Variants in TRARG1 observed in about 807,000 individuals in gnomAD.
TRARG1 encodes trafficking regulator of GLUT4 1.
TRARG1 carries 16 observed loss-of-function variants against 13.3 expected under a neutral mutation model. The observed-to-expected ratio is 1.20, with a 90% CI of 0.81 to 1.83. The LOEUF (loss-of-function observed/expected upper bound fraction) is 1.83. TRARG1 is among the 40% of genes most tolerant of loss of function. The pLI, the probability that TRARG1 is intolerant of heterozygous loss-of-function variation, is 0.00. For synonymous variants in TRARG1, 113 were observed against 106.2 expected (o/e 1.06, Z -0.39); for missense variants, 250 against 237.4 (o/e 1.05, Z -0.35).
intron 1 of TRARG1, among the ~76,000 whole-genome samples, chr17:1,282,253 T>A (rs200514044): frequency 9.5e-6 from 1 of 105,462 alleles, no homozygotes; most frequent in East Asian, 3.1e-4. Flanking sequence ...CACGTATATG[T>A]ACGTATATGT....
intron 1 of TRARG1, among the ~76,000 whole-genome samples, chr17:1,295,208 C>T (rs1829225660): frequency 6.6e-6 from 1 of 152,190 alleles, no homozygotes; most frequent in African/African-American, 2.4e-5. Context: ...CTGCCACCGC[C>T]ACCTCCTCCA....
At chr17:1,294,722 G>C (rs1195844398) in intron 1 of TRARG1, among the ~76,000 whole-genome samples, 2 of 134,718 alleles carry the variant, frequency 1.5e-5, no homozygotes, top group Non-Finnish European at 3.1e-5. Context: ...GAGTCTTGCT[G>C]TCTCCCAGGC....
intron 1 of TRARG1, among the ~76,000 whole-genome samples, chr17:1,286,437 G>A (rs111771402): frequency 1.1e-3 from 114 of 100,754 alleles, no homozygotes; most frequent in African/African-American, 4.4e-3. Flanking sequence ...GGGTGTTGTT[G>A]TCGGCCTGTG....
Position 1,294,468 on chromosome 17 carries a change from C to CT in TRARG1, c.388-1004dup, listed in dbSNP as rs542504095. Among the ~76,000 whole-genome samples the CT allele has an allele frequency of 2.6e-3, 297 of 113,432 alleles. 6 individuals carry two copies. Among genetic ancestry groups the CT allele is most frequent in the African/African-American group, 7.8e-3 (216 of 27,802 alleles). The allele number at this position is 113,432 out of a possible 152,430, so 74.4% of individuals were successfully genotyped here. A position where few individuals can be genotyped will look rare whatever the true frequency, so the allele number is the denominator to read the frequency against. On this transcript the variant is annotated intron_variant, in intron 1 of 2. Transcript: ENST00000333813. The stretch of plus-strand genomic sequence containing the variant: ...GAAATGGAGGCTGTGAAGACAGTGT[C>CT]TTTTTTTTTTTTTTTTTTTGAGGCA...
chr17:1,286,276 C>T (rs2072019266), intron 1 of TRARG1, among the ~76,000 whole-genome samples: 1 of 152,218 alleles, frequency 6.6e-6, no homozygotes, highest in Admixed American at 6.5e-5. Context: ...GGGAGGTGAC[C>T]AGGCACAGAC....
chr17:1,297,592 CTT>C (rs35978298), intron 2 of TRARG1, among the ~76,000 whole-genome samples: 21,318 of 97,136 alleles, frequency 0.22, 2,564 homozygotes, highest in South Asian at 0.35. Context: ...TTAGCCAGGA[CTT>C]TTTTTTTTTT....
At chr17:1,288,424 TCATCCCCCACTGGGTTCCC>T (rs1465200076) in intron 1 of TRARG1, among the ~76,000 whole-genome samples, 1 of 45,008 alleles carries the variant, frequency 2.2e-5, no homozygotes, top group African/African-American at 1.0e-4. Flanking sequence ...CACAGGTTCC[TCATCCCCCACTGGGTTCCC>T]CATCCCCCAC....
chr17:1,295,354 T>C, intron 1 of TRARG1, 137 bp from the exon 2 acceptor site: 1 of 1,151,216 alleles, frequency 8.7e-7, no homozygotes, highest in Non-Finnish European at 1.2e-6. Flanking sequence ...TCCTCTCCCC[T>C]AGAGTGTGGG....
In TRARG1 at chr17:1,299,432, C is replaced by T. The variant is rs993735891; in HGVS notation, c.*1168C>T. On this transcript the variant is annotated 3_prime_UTR_variant, in exon 3 of 3. Transcript: ENST00000333813. Reference sequence around the variant, plus strand: ...AGGGAAGGGCTCAGCTGAAGGACCCCGTCTGCAGGAGAGTCGGGGGACCAG... The same window carrying T: ...AGGGAAGGGCTCAGCTGAAGGACCCTGTCTGCAGGAGAGTCGGGGGACCAG... 1 of 152,242 alleles carries T rather than the reference C, an allele frequency of 6.6e-6. No individual in the cohort carries two copies. Among genetic ancestry groups the T allele is most frequent in the South Asian group, 2.1e-4 (1 of 4,824 alleles). 9.4% of individuals were successfully genotyped at this position (152,242 alleles called of 1,614,324 possible). A position where few individuals can be genotyped will look rare whatever the true frequency, so the allele number is the denominator to read the frequency against.
chr17:1,284,790 C>T (rs1237513618), intron 1 of TRARG1, among the ~76,000 whole-genome samples: 1 of 152,088 alleles, frequency 6.6e-6, no homozygotes, highest in Non-Finnish European at 1.5e-5. Context: ...ACGCCATTCT[C>T]CTGCCTCAGC....
intron 2 of TRARG1, among the ~76,000 whole-genome samples, chr17:1,297,170 C>T (rs987311618): frequency 4.6e-5 from 7 of 152,106 alleles, no homozygotes; most frequent in Admixed American, 2.6e-4. Context: ...ACGGGATTAT[C>T]GAGGAATGTG....
Position 1,299,905 on chromosome 17 carries a change from A to C in TRARG1, c.*1641A>C, listed in dbSNP as rs1229701167. 2.0e-5 allele frequency: 3 copies of C among 152,414 alleles called. No homozygotes were observed. The highest frequency in any genetic ancestry group is 4.4e-5 in the Non-Finnish European group (3 of 68,222). 9.4% of individuals were successfully genotyped at this position (152,414 alleles called of 1,614,324 possible). On this transcript the variant is annotated 3_prime_UTR_variant, in exon 3 of 3. Coordinates refer to ENST00000333813, the MANE Select transcript of TRARG1 (RefSeq NM_172367.3). Reference sequence around the variant, plus strand: ...AGGTCAGTACAGAGGTTCTGTCTACAGGGAGGGGCCCTGGGTCTATGCACA... The same window carrying C: ...AGGTCAGTACAGAGGTTCTGTCTACCGGGAGGGGCCCTGGGTCTATGCACA...
intron 1 of TRARG1, among the ~76,000 whole-genome samples, chr17:1,285,043 G>A (rs1468897477): frequency 6.6e-6 from 1 of 152,156 alleles, no homozygotes; most frequent in African/African-American, 2.4e-5. Flanking sequence ...GATGGGATAA[G>A]TAGACGGTCT....
At chr17:1,297,520 G>A (rs1184344090) in intron 2 of TRARG1, among the ~76,000 whole-genome samples, 1 of 151,712 alleles carries the variant, frequency 6.6e-6, no homozygotes, top group Non-Finnish European at 1.5e-5. Flanking sequence ...CACCAGCCCA[G>A]GACATTAGCC....
chr17:1,297,500 G>T (rs2072120540), intron 2 of TRARG1, among the ~76,000 whole-genome samples: 2 of 151,910 alleles, frequency 1.3e-5, no homozygotes, highest in Admixed American at 1.3e-4. Context: ...GTACATGCAA[G>T]GCAGGAGCCC....
rs2071960247 is a variant in TRARG1, at chr17:1,280,049, C to T, written c.48C>T (p.Gly16=). ...QSEFPSAQEP[G]SAAFLDLPEM... ...AGTTTCCTTCAGCACAGGAGCCAGG[C>T]TCCGCCGCATTCCTGGACCTGCCGG... is the stretch of plus-strand genomic sequence containing the variant. Residue 16 remains glycine (G), a synonymous_variant, in exon 1 of 3, where the codon GGC becomes GGT. Transcript: ENST00000333813. 1.9e-6 allele frequency: 3 copies of T among 1,613,284 alleles called. No homozygotes were observed. Among genetic ancestry groups the T allele is most frequent in the Admixed American group, 1.7e-5 (1 of 60,012 alleles).
chr17:1,296,803 G>T (rs550243825), intron 2 of TRARG1, among the ~76,000 whole-genome samples: 2 of 151,656 alleles, frequency 1.3e-5, no homozygotes, highest in South Asian at 2.1e-4. Context: ...CTGCCACCAC[G>T]CCCGGCTAAG....
chr17:1,286,378 T>A (rs186695268), intron 1 of TRARG1, among the ~76,000 whole-genome samples: 11 of 117,974 alleles, frequency 9.3e-5, no homozygotes, highest in Non-Finnish European at 1.5e-4. Context: ...CTGTGAGGTG[T>A]TATCGGCCTG....
At chr17:1,280,975 C>G (rs1196941411) in intron 1 of TRARG1, among the ~76,000 whole-genome samples, 1 of 152,230 alleles carries the variant, frequency 6.6e-6, no homozygotes, top group African/African-American at 2.4e-5. Flanking sequence ...GTGGAGTTCC[C>G]TCCGGAGCCC....
Sources: gnomAD v4.1 joint callset for allele counts (sites outside exome capture counted in the v4.1 genomes callset) on GRCh38, gnomAD v4.1.1 for gene constraint, MANE v1.5 for transcripts, NCBI Gene and HGNC (gene_info 2026-07-23, HGNC 2026-07-21) for gene names.